The following LRFN5 variants were observed in gnomAD, a reference collection of about 807,000 sequenced individuals.
The protein encoded by LRFN5 is leucine-rich repeat and fibronectin type-III domain-containing protein 5.
A neutral mutation model predicts 45.6 loss-of-function variants in LRFN5; 24 were observed. The ratio of observed to expected loss-of-function variants is 0.53; its 90% CI spans 0.38 to 0.74. LRFN5 has a LOEUF of 0.74. Ranked by LOEUF, LRFN5 falls within the 30% of genes least tolerant of loss-of-function variation. The pLI, the probability that LRFN5 is intolerant of heterozygous loss-of-function variation, is 0.00. For missense variants in LRFN5, 776 were observed against 861.5 expected (o/e 0.90, Z 1.24); for synonymous variants, 340 against 313.8 (o/e 1.08, Z -0.88).
chr14:41,836,037 T>A (rs1177275863), intron 2 of LRFN5, among the ~76,000 whole-genome samples: 1 of 151,558 alleles, frequency 6.6e-6, no homozygotes, highest in African/African-American at 2.4e-5. Context: ...AATCTCAAAA[T>A]GAGCTCAGAA....
rs1879525010 is a variant in LRFN5 at position 41,640,470 on chromosome 14, A to G, written c.-197+31908A>G. Among the ~76,000 whole-genome samples, 3 of 152,034 alleles carry G rather than the reference A, an allele frequency of 2.0e-5. No individual in the cohort carries two copies. In the South Asian group the frequency reaches 6.2e-4, roughly 31 times the overall value. ...ACTGAGGATGCATTTCCATTCTCAA[A>G]TGGTTTCTATCATGACCTTTTTATA... On this transcript the variant is annotated intron_variant, in intron 1 of 5. Coordinates refer to ENST00000298119, the MANE Select transcript of LRFN5 (RefSeq NM_152447.5).
intron 2 of LRFN5, among the ~76,000 whole-genome samples, chr14:41,878,810 A>G (rs748455565): frequency 2.0e-5 from 3 of 152,156 alleles, no homozygotes; most frequent in Non-Finnish European, 2.9e-5. Flanking sequence ...TTAATTCCAG[A>G]AAAGCATGAA....
intron 1 of LRFN5, among the ~76,000 whole-genome samples, chr14:41,759,037 A>G (rs554409876): frequency 2.2e-4 from 33 of 152,272 alleles, no homozygotes; most frequent in African/African-American, 7.5e-4. Context: ...TGGACCTCAA[A>G]GAGCTTACAG....
intron 1 of LRFN5, among the ~76,000 whole-genome samples, chr14:41,748,278 C>T (rs939514587): frequency 1.3e-5 from 2 of 151,928 alleles, no homozygotes; most frequent in African/African-American, 4.8e-5. Flanking sequence ...ATTCACCTGT[C>T]CATTAGCAGA....
At chr14:41,704,436 C>CTGTGTGTGTGTGTGTGTGTG (rs1430752309) in intron 1 of LRFN5, among the ~76,000 whole-genome samples, 66 of 89,514 alleles carry the variant, frequency 7.4e-4, no homozygotes, top group African/African-American at 3.1e-3. Flanking sequence ...CTCTCTCTCT[C>CTGTGTGTGTGTGTGTGTGTG]TCTCTCTCTC....
intron 2 of LRFN5, among the ~76,000 whole-genome samples, chr14:41,882,259 C>T (rs188168470): frequency 1.4e-4 from 22 of 152,042 alleles, no homozygotes; most frequent in African/African-American, 5.3e-4. Context: ...CTGCACCTAC[C>T]CCACAGTCTA....
At chr14:41,699,318 T>C (rs1882744200) in intron 1 of LRFN5, 1 of 152,170 alleles carries the variant, frequency 6.6e-6, no homozygotes, top group African/African-American at 2.4e-5. Flanking sequence ...TAGTTATCGC[T>C]AAAAGTAGTG....
chr14:41,716,673 T>C (rs1338959312), intron 1 of LRFN5, among the ~76,000 whole-genome samples: 1 of 152,172 alleles, frequency 6.6e-6, no homozygotes, highest in Non-Finnish European at 1.5e-5. Context: ...TCAACAAGTC[T>C]CTAGGAAGTG....
At chr14:41,876,738 A>C (rs1890202870) in intron 2 of LRFN5, among the ~76,000 whole-genome samples, 1 of 151,856 alleles carries the variant, frequency 6.6e-6, no homozygotes. Flanking sequence ...TTCTCCTTTA[A>C]ATACTGAAGT....
Position 41,704,438 on chromosome 14 carries a change from C to CTGTG in LRFN5, c.-196-62415_-196-62414insGTGT, listed in dbSNP as rs199862342. The stretch of plus-strand genomic sequence containing the variant: ...TCTCTCTCTCTCTCTCTCTCTCTCT[C>CTGTG]TCTCTCTCTCTGTGTGTGTGTGTCT... On this transcript the variant is annotated intron_variant, in intron 1 of 5. Transcript: ENST00000298119. Among the ~76,000 whole-genome samples, 18 of 111,702 alleles carry CTGTG rather than the reference C, an allele frequency of 1.6e-4. 1 individual carries two copies. In the East Asian group the frequency reaches 1.9e-3, roughly 12 times the overall value. 73.3% of individuals were successfully genotyped at this position (111,702 alleles called of 152,430 possible).
At chr14:41,763,401 A>T (rs2144551) in intron 1 of LRFN5, among the ~76,000 whole-genome samples, 36,275 of 152,040 alleles carry the variant, frequency 0.24, 5,324 homozygotes, top group East Asian at 0.73. Context: ...GGAGGAGGTA[A>T]TGATTCTCAC....
chr14:41,859,256 C>A (rs549404375), intron 2 of LRFN5, among the ~76,000 whole-genome samples: 1 of 152,262 alleles, frequency 6.6e-6, no homozygotes, highest in East Asian at 1.9e-4. Context: ...CATGAAAAAT[C>A]AGACTATATT....
chr14:41,891,018 T>G (rs1249584612), intron 3 of LRFN5, among the ~76,000 whole-genome samples: 1 of 152,162 alleles, frequency 6.6e-6, no homozygotes, highest in African/African-American at 2.4e-5. Context: ...AGCAATGTAA[T>G]TAGTAAGCTT....
chr14:41,786,423 C>G (rs1237508982), intron 2 of LRFN5, among the ~76,000 whole-genome samples: 1 of 151,484 alleles, frequency 6.6e-6, no homozygotes, highest in African/African-American at 2.4e-5. Flanking sequence ...TTAAAGATGT[C>G]TTTCAACTCT....
chr14:41,642,133 C>A (rs1336825782), intron 1 of LRFN5, among the ~76,000 whole-genome samples: 1 of 152,118 alleles, frequency 6.6e-6, no homozygotes, highest in Non-Finnish European at 1.5e-5. Flanking sequence ...AAGAAAACAT[C>A]AAACACATTA....
intron 2 of LRFN5, among the ~76,000 whole-genome samples, chr14:41,792,409 GT>G (rs1004874438): frequency 6.6e-6 from 1 of 151,980 alleles, no homozygotes; most frequent in African/African-American, 2.4e-5. Flanking sequence ...CCAGGGTGGA[GT>G]TTTTCCCCAC....
chr14:41,777,404 A>G (rs1200344143), intron 2 of LRFN5, among the ~76,000 whole-genome samples: 3 of 151,672 alleles, frequency 2.0e-5, no homozygotes, highest in African/African-American at 7.3e-5. Flanking sequence ...TTTCTTCACA[A>G]ATGATGCTTT....
intron 2 of LRFN5, among the ~76,000 whole-genome samples, chr14:41,806,748 A>T (rs1241518127): frequency 1.3e-5 from 2 of 152,132 alleles, no homozygotes; most frequent in Non-Finnish European, 2.9e-5. Context: ...TCCACACACA[A>T]ACAGGAAGTA....
At chr14:41,884,109 C>A (rs1212382916) in intron 2 of LRFN5, among the ~76,000 whole-genome samples, 2 of 152,176 alleles carry the variant, frequency 1.3e-5, no homozygotes, top group Non-Finnish European at 2.9e-5. Context: ...AGACTCTGCT[C>A]TCCAATCTTT....
Sources: allele counts gnomAD v4.1 joint callset (sites outside exome capture counted in the v4.1 genomes callset), GRCh38; gene constraint gnomAD v4.1.1; transcripts MANE v1.5; gene names NCBI Gene and HGNC (gene_info 2026-07-23, HGNC 2026-07-21).